The following SLCO5A1 variants were observed in gnomAD, a reference collection of about 807,000 sequenced individuals.
SLCO5A1 encodes solute carrier organic anion transporter family member 5A1.
A neutral mutation model predicts 65.1 loss-of-function variants in SLCO5A1; 39 were observed. That is an observed-to-expected ratio of 0.60 (90% CI 0.46 to 0.78). The LOEUF is 0.78. Ranked by LOEUF, SLCO5A1 falls within the 30% of genes least tolerant of loss-of-function variation. The pLI, the probability that SLCO5A1 is intolerant of heterozygous loss-of-function variation, is 0.00. For synonymous variants in SLCO5A1, 438 were observed against 415.7 expected (o/e 1.05, Z -0.65); for missense variants, 1,029 against 1,069.4 (o/e 0.96, Z 0.53).
chr8:69,785,052 G>A (rs908682819), intron 2 of SLCO5A1, among the ~76,000 whole-genome samples: 1 of 150,490 alleles, frequency 6.6e-6, no homozygotes, highest in Non-Finnish European at 1.5e-5. Flanking sequence ...GAGAGAGAGA[G>A]AAAGGAAGAA....
intron 6 of SLCO5A1, among the ~76,000 whole-genome samples, chr8:69,701,216 A>C (rs1814721963): frequency 6.6e-6 from 1 of 152,178 alleles, no homozygotes; most frequent in Non-Finnish European, 1.5e-5. Context: ...AAGTAAATGA[A>C]AATAAGGCAA....
intron 4 of SLCO5A1, among the ~76,000 whole-genome samples, chr8:69,747,248 A>G (rs1817076258): frequency 6.6e-6 from 1 of 152,216 alleles, no homozygotes; most frequent in African/African-American, 2.4e-5. Flanking sequence ...AGACATCTCT[A>G]TAAGTTAAAA....
chr8:69,749,978 C>T (rs1481420957), intron 4 of SLCO5A1, among the ~76,000 whole-genome samples: 1 of 152,144 alleles, frequency 6.6e-6, no homozygotes, highest in Non-Finnish European at 1.5e-5. Flanking sequence ...AGAGAACATT[C>T]CCAGCACAAG....
At chr8:69,752,706 AGTT>A (rs1817369503) in intron 4 of SLCO5A1, among the ~76,000 whole-genome samples, 1 of 152,206 alleles carries the variant, frequency 6.6e-6, no homozygotes, top group Non-Finnish European at 1.5e-5. Context: ...TGTCTCTTGA[AGTT>A]CCAGTCTTGA....
chr8:69,834,514 C>T (rs1821331233), intron 1 of SLCO5A1, among the ~76,000 whole-genome samples: 1 of 152,164 alleles, frequency 6.6e-6, no homozygotes, highest in Non-Finnish European at 1.5e-5. Flanking sequence ...CTGCCTTACC[C>T]AGGCGCCTTC....
At chr8:69,827,242 A>G (rs985692269) in intron 2 of SLCO5A1, among the ~76,000 whole-genome samples, 1 of 151,938 alleles carries the variant, frequency 6.6e-6, no homozygotes, top group African/African-American at 2.4e-5. Flanking sequence ...GCACATGTAT[A>G]CATATGTAAC....
At position 69,679,599 on chromosome 8, in the gene SLCO5A1, G is replaced by C; in HGVS notation, c.1803C>G (p.Cys601Trp). The change falls in exon 8 of 10, where the codon TGC becomes TGG. Residue 601 changes from cysteine to tryptophan, a missense_variant. By Grantham distance (215) the Cys-to-Trp change is radical. Coordinates refer to ENST00000260126, the MANE Select transcript of SLCO5A1 (RefSeq NM_030958.3). ...TCACTTGGCGACTTTGGACACAGGT[G>C]CATTCTGTATAATTCCGTATCTAAG... Reference protein sequence around the residue: ...LSTGIRNYTECTCVQSRQVIT... With the variant: ...LSTGIRNYTEWTCVQSRQVIT... 6.2e-7 allele frequency: 1 copy of C among 1,614,190 alleles called. No homozygotes were observed. Among genetic ancestry groups the C allele is most frequent in the Non-Finnish European group, 8.5e-7 (1 of 1,180,034 alleles).
intron 2 of SLCO5A1, among the ~76,000 whole-genome samples, chr8:69,821,901 T>G (rs1464345741): frequency 6.6e-6 from 1 of 151,000 alleles, no homozygotes; most frequent in African/African-American, 2.4e-5. Flanking sequence ...CCAAGGTGGG[T>G]GGGTCAACTG....
At chr8:69,705,875 A>T (rs1814947800) in intron 5 of SLCO5A1, among the ~76,000 whole-genome samples, 2 of 152,266 alleles carry the variant, frequency 1.3e-5, no homozygotes, top group African/African-American at 4.8e-5. Context: ...TTTGAAAAAC[A>T]GTTTGGCATT....
At chr8:69,798,482 C>T (rs1393209484) in intron 2 of SLCO5A1, among the ~76,000 whole-genome samples, 1 of 152,044 alleles carries the variant, frequency 6.6e-6, no homozygotes, top group Non-Finnish European at 1.5e-5. Context: ...CTTCACATGG[C>T]CAATGCAAGA....
At chr8:69,727,336 CTA>C (rs1329664672) in intron 5 of SLCO5A1, among the ~76,000 whole-genome samples, 1 of 152,058 alleles carries the variant, frequency 6.6e-6, no homozygotes, top group Non-Finnish European at 1.5e-5. Context: ...AACTTGTATG[CTA>C]TATGTCTTAC....
At position 69,688,962 on chromosome 8, in the gene SLCO5A1, A is replaced by G. The variant is rs1054127374; in HGVS notation, c.1623-6619T>C. Among the ~76,000 whole-genome samples the G allele has an allele frequency of 1.1e-4, 16 of 151,208 alleles. 1 individual carries two copies. Among genetic ancestry groups the G allele is most frequent in the Admixed American group, 9.2e-4 (14 of 15,168 alleles). On this transcript the variant is annotated intron_variant, in intron 6 of 9. Coordinates refer to ENST00000260126, the MANE Select transcript of SLCO5A1 (RefSeq NM_030958.3). ...AGTTTACAGTCCCACCAACAGTGTA[A>G]AAGTGTTCCTATTTCTCCACATCCT...
chr8:69,832,077 G>C lies in SLCO5A1; in HGVS notation c.597C>G (p.Ala199=). The change falls in exon 2 of 10, where the codon GCC becomes GCG. Residue 199 remains alanine, a synonymous_variant. Coordinates refer to ENST00000260126, the MANE Select transcript of SLCO5A1 (RefSeq NM_030958.3). This position sits in a 1 kb window ranked among gnomAD's most constrained non-coding sequence, Gnocchi z 4.5. ...CGAAGGCGATGAGGAGTCCACCCAC[G>C]GCCAGCCACAGGGGCCGCCGACCCC... The part of the protein sequence containing the change: ...GGRGRRPLWL[A]VGGLLIAFGA... 1 of 1,613,550 alleles carries C rather than the reference G, an allele frequency of 6.2e-7. No individual in the cohort carries two copies. The highest frequency in any genetic ancestry group is 1.1e-5 in the South Asian group (1 of 91,052).
At position 69,738,081 on chromosome 8, in the gene SLCO5A1, G is replaced by T; in HGVS notation, c.1382C>A (p.Ser461Ter). 1 of 1,613,852 alleles carries T rather than the reference G, an allele frequency of 6.2e-7. No individual in the cohort carries two copies. The highest frequency in any genetic ancestry group is 1.1e-5 in the South Asian group (1 of 91,054). Residue 461 changes from serine to a stop codon, truncating the protein, a stop_gained, in exon 5 of 10, where the codon TCA becomes TAA. Coordinates refer to ENST00000260126, the MANE Select transcript of SLCO5A1 (RefSeq NM_030958.3). LOFTEE classifies it high-confidence loss of function. The stretch of plus-strand genomic sequence containing the variant: ...ATTGGAGGCTGGGATACCAAACTGT[G>T]ACTCGATGAACTTGGGAATGAAGGT... ...FITFIPKFIE[S>*]QFGIPASNAS...
intron 2 of SLCO5A1, among the ~76,000 whole-genome samples, chr8:69,777,832 C>T (rs556285256): frequency 1.6e-4 from 25 of 152,294 alleles, no homozygotes; most frequent in African/African-American, 5.3e-4. Context: ...CAGAAGCAGA[C>T]GGTCCTTCCT....
At chr8:69,758,387 C>T (rs1195950855) in intron 3 of SLCO5A1, among the ~76,000 whole-genome samples, 3 of 151,846 alleles carry the variant, frequency 2.0e-5, no homozygotes, top group African/African-American at 7.3e-5. Context: ...ACTATGTTGC[C>T]CAGGTTGGTC....
intron 6 of SLCO5A1, chr8:69,704,768 C>CAAAAA: frequency 2.3e-6 from 1 of 428,156 alleles, no homozygotes; most frequent in East Asian, 3.9e-5. Context: ...TTCATTAATC[C>CAAAAA]AATAAGCATT....
At chr8:69,728,799 A>G (rs76430900) in intron 5 of SLCO5A1, among the ~76,000 whole-genome samples, 3,528 of 152,036 alleles carry the variant, frequency 0.023, 59 homozygotes, top group Middle Eastern at 0.075. Flanking sequence ...ATATCAGAAA[A>G]GGTAAGTAAT....
chr8:69,769,797 C>A (rs373096055), intron 2 of SLCO5A1, among the ~76,000 whole-genome samples: 1 of 152,180 alleles, frequency 6.6e-6, no homozygotes, highest in East Asian at 1.9e-4. Context: ...TGTAGGGTAT[C>A]TTTCTGGAGT....
Sources: allele counts gnomAD v4.1 joint callset (sites outside exome capture counted in the v4.1 genomes callset), GRCh38; gene constraint gnomAD v4.1.1; non-coding constraint Gnocchi (gnomAD v3.1); transcripts MANE v1.5; gene names NCBI Gene and HGNC (gene_info 2026-07-23, HGNC 2026-07-21).